The following DGKG variants were observed in gnomAD, a reference collection of about 807,000 sequenced individuals.
DGKG encodes diacylglycerol kinase gamma, also known as DAG kinase gamma.
In DGKG, 78 loss-of-function variants were observed where a neutral mutation model predicts 105.3. The ratio of observed to expected loss-of-function variants is 0.74; its 90% CI spans 0.62 to 0.89. The LOEUF (loss-of-function observed/expected upper bound fraction) is 0.89. DGKG is among the 40% of genes least tolerant of loss of function. The pLI, the probability that DGKG is intolerant of heterozygous loss-of-function variation, is 0.00. For missense variants in DGKG, 958 were observed against 1,020.1 expected (o/e 0.94, Z 0.83); for synonymous variants, 346 against 367.1 (o/e 0.94, Z 0.66).
chr3:186,210,140 G>A lies in DGKG; in HGVS notation c.1917+1655C>T, dbSNP rs1273103802. Among the ~76,000 whole-genome samples the A allele has an allele frequency of 6.6e-6, 1 of 152,200 alleles. No individual in the cohort carries two copies. Among genetic ancestry groups the A allele is most frequent in the Non-Finnish European group, 1.5e-5 (1 of 68,032 alleles). ...GCCGGGAGGGCAGGCCAGAGGCAGG[G>A]GAGCTGAGTTGCTGTATTCTGGGCA... is the stretch of plus-strand genomic sequence containing the variant. On this transcript the variant is annotated intron_variant, in intron 21 of 24. Transcript: ENST00000265022. The surrounding 1 kb of genome is among the most constrained non-coding windows in gnomAD (Gnocchi z 5.2).
At chr3:186,359,089 T>G (rs1727110079) in intron 1 of DGKG, among the ~76,000 whole-genome samples, 1 of 152,180 alleles carries the variant, frequency 6.6e-6, no homozygotes, top group Admixed American at 6.5e-5. Context: ...TGAAGAATGC[T>G]CGTGTGATGT....
chr3:186,209,934 A>T (rs1718948793), intron 21 of DGKG, among the ~76,000 whole-genome samples: 1 of 152,174 alleles, frequency 6.6e-6, no homozygotes, highest in Non-Finnish European at 1.5e-5. Flanking sequence ...AAAAAGACTC[A>T]TTATGGAGAG....
chr3:186,329,412 G>A (rs1021862117), intron 1 of DGKG, among the ~76,000 whole-genome samples: 1 of 152,188 alleles, frequency 6.6e-6, no homozygotes, highest in Admixed American at 6.5e-5. Flanking sequence ...CAAATTCAAT[G>A]AGTATTGAAT....
At chr3:186,302,350 C>T (rs1240679979) in intron 3 of DGKG, among the ~76,000 whole-genome samples, 2 of 151,344 alleles carry the variant, frequency 1.3e-5, no homozygotes, top group African/African-American at 4.9e-5. Context: ...CCCTGGATGT[C>T]ATCAACTACT....
At chr3:186,275,945 GATCTATCTATCT>G (rs146027394) in intron 9 of DGKG, among the ~76,000 whole-genome samples, 5,548 of 148,676 alleles carry the variant, frequency 0.037, 124 homozygotes, top group Non-Finnish European at 0.045. Context: ...ACAACAATCT[GATCTATCTATCT>G]ATCTATCTAT....
intron 1 of DGKG, among the ~76,000 whole-genome samples, chr3:186,352,496 C>T (rs886669813): frequency 1.3e-5 from 2 of 152,160 alleles, no homozygotes; most frequent in African/African-American, 4.8e-5. Flanking sequence ...GCTCATCTAT[C>T]CAATTACATC....
At position 186,164,769 on chromosome 3, in the gene DGKG, A is replaced by G. The variant is rs1027994503; in HGVS notation, c.2216+129T>C. On this transcript the variant is annotated intron_variant, in intron 23 of 24. Transcript: ENST00000265022. ...GAAATGGTCTACAAAGACGTTCTTT[A>G]CAAACATTATCAAGCTTTTGTGCTG... 14 of 1,149,812 alleles carry G rather than the reference A, an allele frequency of 1.2e-5. No homozygotes were observed. The African/African-American group carries it at 1.5e-4, about 13-fold the overall frequency. The allele number at this position is 1,149,812 out of a possible 1,614,324, so 71.2% of individuals were successfully genotyped here.
intron 5 of DGKG, among the ~76,000 whole-genome samples, chr3:186,291,954 C>T (rs1723329921): frequency 6.6e-6 from 1 of 152,162 alleles, no homozygotes; most frequent in African/African-American, 2.4e-5. Flanking sequence ...GTCTACTGCT[C>T]ACTCCTGTCA....
chr3:186,150,210 T>G, intron 24 of DGKG, 22 bp from the exon 25 acceptor site: 3 of 1,600,190 alleles, frequency 1.9e-6, no homozygotes, highest in Non-Finnish European at 2.6e-6. Flanking sequence ...GAGGCAGAAA[T>G]GAATTAGTGG....
chr3:186,280,891 G>A, intron 7 of DGKG, 147 bp from the exon 8 acceptor site: 1 of 644,380 alleles, frequency 1.6e-6, no homozygotes, highest in Non-Finnish European at 2.8e-6. Context: ...TTTGTGAGGA[G>A]CTCAGTTTAT....
intron 20 of DGKG, among the ~76,000 whole-genome samples, chr3:186,217,777 G>A (rs1174671013): frequency 6.6e-6 from 1 of 152,168 alleles, no homozygotes; most frequent in Non-Finnish European, 1.5e-5. Context: ...TGAGCTTCTG[G>A]GGACCCTTTC....
At chr3:186,252,512 A>C (rs1721274174) in intron 18 of DGKG, among the ~76,000 whole-genome samples, 1 of 152,198 alleles carries the variant, frequency 6.6e-6, no homozygotes, top group South Asian at 2.1e-4. Context: ...GGGCTACTGC[A>C]GTTTGCAAAG....
intron 5 of DGKG, among the ~76,000 whole-genome samples, chr3:186,292,863 C>G (rs1392553964): frequency 6.6e-6 from 1 of 151,898 alleles, no homozygotes; most frequent in Non-Finnish European, 1.5e-5. Flanking sequence ...AGTCTGATCC[C>G]AATTCTGTAA....
intron 11 of DGKG, 147 bp from the exon 12 acceptor site, chr3:186,269,064 G>C: frequency 1.6e-6 from 1 of 627,788 alleles, no homozygotes; most frequent in Non-Finnish European, 2.8e-6. Flanking sequence ...ATGTTGGGTG[G>C]CTTGCCTAAT....
chr3:186,276,407 G>A (rs1200506874), intron 9 of DGKG, among the ~76,000 whole-genome samples: 1 of 152,152 alleles, frequency 6.6e-6, no homozygotes, highest in African/African-American at 2.4e-5. Context: ...GGCTATAGCT[G>A]GCAGCAATAT....
intron 20 of DGKG, among the ~76,000 whole-genome samples, chr3:186,213,703 A>C (rs972614055): frequency 1.3e-5 from 2 of 152,224 alleles, no homozygotes; most frequent in Admixed American, 6.6e-5. Flanking sequence ...TCCAATCTGT[A>C]GAGATTCTAT....
chr3:186,262,674 A>G, intron 14 of DGKG, among the ~76,000 whole-genome samples: 1 of 152,132 alleles, frequency 6.6e-6, no homozygotes, highest in East Asian at 1.9e-4. Flanking sequence ...TTATCTCCTA[A>G]TTCCTGCTAA....
intron 13 of DGKG, 38 bp downstream of exon 13, chr3:186,267,647 G>A (rs781592843): frequency 8.4e-6 from 13 of 1,549,436 alleles, no homozygotes; most frequent in Admixed American, 1.7e-5. Flanking sequence ...ACCAGAACCC[G>A]GAGAAGCTAC....
chr3:186,285,695 T>C (rs1723031089), intron 6 of DGKG, among the ~76,000 whole-genome samples: 1 of 151,004 alleles, frequency 6.6e-6, no homozygotes, highest in Admixed American at 6.6e-5. Context: ...TTTTTTTTTT[T>C]TGAGACAGAG....
Sources: allele counts gnomAD v4.1 joint callset (sites outside exome capture counted in the v4.1 genomes callset), GRCh38; gene constraint gnomAD v4.1.1; non-coding constraint Gnocchi (gnomAD v3.1); transcripts MANE v1.5; gene names NCBI Gene and HGNC (gene_info 2026-07-23, HGNC 2026-07-21).